DAB1: variants seen among roughly 807,000 people sequenced by gnomAD.
DAB1 encodes the protein DAB adaptor protein 1, also known as disabled homolog 1.
DAB1 carries 15 observed loss-of-function variants against 64.6 expected under a neutral mutation model. That is an observed-to-expected ratio of 0.23 (90% CI 0.16 to 0.36). The LOEUF (loss-of-function observed/expected upper bound fraction) is 0.36. Ranked by LOEUF, DAB1 falls within the 10% of genes least tolerant of loss-of-function variation. The pLI is 1.00. For synonymous variants in DAB1, 235 were observed against 251.9 expected, an observed-to-expected ratio of 0.93 and a Z score of 0.64; for missense variants, 596 against 706.7, an observed-to-expected ratio of 0.84 and a Z score of 1.78.
intron 7 of DAB1, among the ~76,000 whole-genome samples, chr1:57,433,927 A>C (rs1196637241): frequency 1.3e-5 from 2 of 152,014 alleles, no homozygotes; most frequent in East Asian, 3.8e-4. Context: ...AGGAATATGC[A>C]AAGAAAACTG....
intron 7 of DAB1, among the ~76,000 whole-genome samples, chr1:57,566,422 G>T (rs1354542630): frequency 6.6e-6 from 1 of 152,110 alleles, no homozygotes; most frequent in African/African-American, 2.4e-5. Flanking sequence ...AAATAACTAA[G>T]ATCAGGGCAG....
intron 9 of DAB1, among the ~76,000 whole-genome samples, chr1:57,044,446 C>CA (rs1648203699): frequency 6.6e-6 from 1 of 152,120 alleles, no homozygotes; most frequent in African/African-American, 2.4e-5. Flanking sequence ...AAAACGATAA[C>CA]AAAAAAGACA....
chr1:57,251,852 G>T (rs1669366934), intron 2 of DAB1, among the ~76,000 whole-genome samples: 1 of 152,176 alleles, frequency 6.6e-6, no homozygotes, highest in South Asian at 2.1e-4. Flanking sequence ...CAGATGATTT[G>T]GAATGGGCAC....
intron 1 of DAB1, among the ~76,000 whole-genome samples, chr1:57,834,075 A>G (rs1049526726): frequency 6.6e-6 from 1 of 152,230 alleles, no homozygotes; most frequent in Admixed American, 6.5e-5. Flanking sequence ...AATATTTTGC[A>G]GTCTAATGCA....
At chr1:58,462,109 GTTTCTTTTTT>G (rs1645248661) in intron 3 of DAB1, among the ~76,000 whole-genome samples, 3 of 133,928 alleles carry the variant, frequency 2.2e-5, no homozygotes, top group Non-Finnish European at 4.7e-5. Context: ...ATCTGAGAAG[GTTTCTTTTTT>G]TTTTTTTTTT....
chr1:57,088,283 C>T lies in DAB1; in HGVS notation c.307-15869G>A, dbSNP rs539579282. Reference sequence around the variant, plus strand: ...ACGGGGTTTCACCATGTTGGTCAGGCTGGTCTTGAACTCCTGACCTCAGGT... The same window carrying T: ...ACGGGGTTTCACCATGTTGGTCAGGTTGGTCTTGAACTCCTGACCTCAGGT... On this transcript the variant is annotated intron_variant, in intron 4 of 14. Coordinates refer to ENST00000371236, the MANE Select transcript of DAB1 (RefSeq NM_001365792.1). Among the ~76,000 whole-genome samples the T allele has an allele frequency of 2.3e-4, 35 of 152,248 alleles. 1 individual carries two copies. In the East Asian group the frequency reaches 6.4e-3, roughly 28 times the overall value.
chr1:58,102,259 C>T (rs1570354407), intron 5 of DAB1, among the ~76,000 whole-genome samples: 1 of 152,344 alleles, frequency 6.6e-6, no homozygotes, highest in Non-Finnish European at 1.5e-5. Context: ...GTATGCATTC[C>T]TGTCCTGTTG....
chr1:57,035,366 C>T (rs915731102), intron 9 of DAB1, among the ~76,000 whole-genome samples: 1 of 152,024 alleles, frequency 6.6e-6, no homozygotes. Context: ...TGAAAAACAG[C>T]CTGTGGAAGA....
intron 5 of DAB1, among the ~76,000 whole-genome samples, chr1:58,146,514 T>C (rs1654602959): frequency 6.6e-6 from 1 of 152,164 alleles, no homozygotes; most frequent in Admixed American, 6.6e-5. Context: ...TTTTCTCCCC[T>C]TCCCACTCCT....
At chr1:57,792,160 T>C (rs776857487) in intron 6 of DAB1, among the ~76,000 whole-genome samples, 2 of 152,214 alleles carry the variant, frequency 1.3e-5, no homozygotes, top group Non-Finnish European at 2.9e-5. Flanking sequence ...TTGTCTCCCT[T>C]GCTATTCTCA....
At chr1:58,526,138 G>A (rs1646346650) in intron 2 of DAB1, among the ~76,000 whole-genome samples, 1 of 152,044 alleles carries the variant, frequency 6.6e-6, no homozygotes. Context: ...TAACATATAG[G>A]GAAAATCTGA....
chr1:57,786,710 G>A (rs1458491847), intron 6 of DAB1, among the ~76,000 whole-genome samples: 3 of 152,224 alleles, frequency 2.0e-5, no homozygotes, highest in Non-Finnish European at 4.4e-5. Context: ...GGTAGAGTGA[G>A]GCTTCAAACC....
At chr1:58,333,490 T>C (rs376956901) in intron 4 of DAB1, among the ~76,000 whole-genome samples, 7 of 152,256 alleles carry the variant, frequency 4.6e-5, no homozygotes, top group African/African-American at 1.2e-4. Context: ...GAAGAAAAGA[T>C]GCAAAGAGCG....
intron 4 of DAB1, among the ~76,000 whole-genome samples, chr1:58,289,240 G>A (rs1661759662): frequency 6.6e-6 from 1 of 151,878 alleles, no homozygotes. Context: ...ACTTTTCACT[G>A]TACCTTTGCA....
intron 1 of DAB1, among the ~76,000 whole-genome samples, chr1:57,330,086 C>T (rs1299825439): frequency 6.6e-6 from 1 of 152,120 alleles, no homozygotes; most frequent in Non-Finnish European, 1.5e-5. Flanking sequence ...TTTAGGAATG[C>T]AGTTCAGTGA....
intron 2 of DAB1, among the ~76,000 whole-genome samples, chr1:57,243,237 G>T (rs1020437670): frequency 9.9e-5 from 15 of 152,088 alleles, no homozygotes; most frequent in African/African-American, 4.8e-5. Flanking sequence ...ATTCTTAAGG[G>T]CTGCCTCACT....
At chr1:57,132,549 T>C (rs1026764839) in intron 4 of DAB1, among the ~76,000 whole-genome samples, 1 of 152,182 alleles carries the variant, frequency 6.6e-6, no homozygotes, top group Non-Finnish European at 1.5e-5. Flanking sequence ...CCTGACATGA[T>C]GCTCAAAGGA....
chr1:58,250,457 G>A (rs1461213266), intron 4 of DAB1, among the ~76,000 whole-genome samples: 1 of 152,230 alleles, frequency 6.6e-6, no homozygotes, highest in Non-Finnish European at 1.5e-5. Context: ...AGCAGAGGCA[G>A]CGGTAGCAAC....
intron 4 of DAB1, among the ~76,000 whole-genome samples, chr1:58,328,710 A>G (rs977467819): frequency 6.6e-6 from 1 of 151,960 alleles, no homozygotes; most frequent in African/African-American, 2.4e-5. Flanking sequence ...GGTTCTAGCA[A>G]TTATCCTGCC....
Sources: gnomAD v4.1 joint callset for allele counts (sites outside exome capture counted in the v4.1 genomes callset) on GRCh38, gnomAD v4.1.1 for gene constraint, MANE v1.5 for transcripts, NCBI Gene and HGNC (gene_info 2026-07-23, HGNC 2026-07-21) for gene names.